PCDH15: variants seen among roughly 807,000 people sequenced by gnomAD.
PCDH15 encodes the protein protocadherin-15.
In PCDH15, 129 loss-of-function variants were observed where a neutral mutation model predicts 178.5. The observed-to-expected ratio is 0.72, with a 90% CI of 0.63 to 0.84. The LOEUF (loss-of-function observed/expected upper bound fraction) is 0.84. Ranked by LOEUF, PCDH15 falls within the 40% of genes least tolerant of loss-of-function variation. The pLI, the probability that PCDH15 is intolerant of heterozygous loss-of-function variation, is 0.00. For missense variants in PCDH15, 2,230 were observed against 2,099.9 expected, an observed-to-expected ratio of 1.06 and a Z score of -1.21; for synonymous variants, 800 against 732.0, an observed-to-expected ratio of 1.09 and a Z score of -1.50.
chr10:54,865,122 G>A (rs1729515387), intron 3 of PCDH15, among the ~76,000 whole-genome samples: 1 of 152,090 alleles, frequency 6.6e-6, no homozygotes, highest in African/African-American at 2.4e-5. Context: ...TGTCTGCGAG[G>A]GTGTTGCCAT....
chr10:54,131,328 T>C (rs2042417012), intron 15 of PCDH15, among the ~76,000 whole-genome samples: 1 of 152,128 alleles, frequency 6.6e-6, no homozygotes, highest in Non-Finnish European at 1.5e-5. Flanking sequence ...ACATGTAAAA[T>C]TTATTTTGTT....
At chr10:54,772,189 A>G (rs922708058) in intron 1 of PCDH15, among the ~76,000 whole-genome samples, 1 of 152,146 alleles carries the variant, frequency 6.6e-6, no homozygotes, top group Non-Finnish European at 1.5e-5. Context: ...TATTACATAC[A>G]TTTAAATAGT....
intron 2 of PCDH15, among the ~76,000 whole-genome samples, chr10:55,029,033 T>A (rs893708221): frequency 3.3e-5 from 5 of 152,032 alleles, no homozygotes; most frequent in African/African-American, 1.2e-4. Context: ...TTATTAATAC[T>A]GCATTGTACC....
At chr10:55,351,365 G>A (rs1031383909) in intron 2 of PCDH15, among the ~76,000 whole-genome samples, 1 of 151,880 alleles carries the variant, frequency 6.6e-6, no homozygotes, top group Admixed American at 6.6e-5. Flanking sequence ...ACTGTATTCA[G>A]TACTAAATTG....
At chr10:54,252,667 T>G (rs569576803) in intron 8 of PCDH15, among the ~76,000 whole-genome samples, 1 of 152,284 alleles carries the variant, frequency 6.6e-6, no homozygotes, top group African/African-American at 2.4e-5. Context: ...TATATCTTTC[T>G]AAATATCAAC....
chr10:54,057,052 G>C (rs1248847718), intron 18 of PCDH15, among the ~76,000 whole-genome samples: 1 of 152,154 alleles, frequency 6.6e-6, no homozygotes, highest in Non-Finnish European at 1.5e-5. Context: ...CACAGCTTTG[G>C]GCAGCTCCAC....
chr10:55,401,982 A>G (rs566620567), intron 2 of PCDH15, among the ~76,000 whole-genome samples: 1 of 152,176 alleles, frequency 6.6e-6, no homozygotes, highest in African/African-American at 2.4e-5. Context: ...TGTCCACTGA[A>G]CATGTTAATT....
intron 2 of PCDH15, among the ~76,000 whole-genome samples, chr10:55,338,380 A>C (rs1186783797): frequency 6.6e-6 from 1 of 152,212 alleles, no homozygotes; most frequent in African/African-American, 2.4e-5. Flanking sequence ...GCAATGACCA[A>C]GATATGGAAT....
chr10:54,834,813 A>T (rs545638076), intron 3 of PCDH15, among the ~76,000 whole-genome samples: 21 of 152,108 alleles, frequency 1.4e-4, no homozygotes, highest in South Asian at 4.1e-4. Flanking sequence ...GTGAAAATGA[A>T]TTTTTTTTAA....
At chr10:55,533,071 A>T (rs1841489197) in intron 2 of PCDH15, among the ~76,000 whole-genome samples, 1 of 150,574 alleles carries the variant, frequency 6.6e-6, no homozygotes. Context: ...AAAAAGTAAA[A>T]CGTCCCTCAA....
intron 1 of PCDH15, among the ~76,000 whole-genome samples, chr10:54,671,129 A>G (rs1203037561): frequency 6.6e-6 from 1 of 152,154 alleles, no homozygotes; most frequent in Non-Finnish European, 1.5e-5. Context: ...TCATCAGTGG[A>G]GTGTTTAGCT....
At position 55,181,045 on chromosome 10, in the gene PCDH15, T is replaced by G. The variant is rs376463054; in HGVS notation, c.-155-14394A>C. ...ATTAGGAATTGGGACTTACTTTAGA[T>G]AGTGTGGAAAAGAAGAGTAGTTCTG... On this transcript the variant is annotated intron_variant, in intron 1 of 5. Coordinates refer to the PCDH15 transcript ENST00000458638. 1.1e-3 allele frequency among the ~76,000 whole-genome samples: 169 copies of G among 152,068 alleles called. No individual in the cohort carries two copies. The Middle Eastern group carries it at 0.014, about 12-fold the overall frequency.
At chr10:54,617,278 C>A (rs1214143024) in intron 2 of PCDH15, among the ~76,000 whole-genome samples, 1 of 151,974 alleles carries the variant, frequency 6.6e-6, no homozygotes, top group Non-Finnish European at 1.5e-5. Context: ...AGCCATTGAG[C>A]AACCAACTGA....
intron 2 of PCDH15, among the ~76,000 whole-genome samples, chr10:54,641,502 T>G (rs547734983): frequency 6.6e-6 from 1 of 152,180 alleles, no homozygotes; most frequent in Admixed American, 6.6e-5. Flanking sequence ...TCTACCTTAT[T>G]ACATACCACT....
chr10:55,149,489 A>G (rs530955059), intron 2 of PCDH15, among the ~76,000 whole-genome samples: 1 of 152,174 alleles, frequency 6.6e-6, no homozygotes, highest in South Asian at 2.1e-4. Context: ...AACAAAAAGG[A>G]TGACTTGTTA....
intron 2 of PCDH15, among the ~76,000 whole-genome samples, chr10:55,408,937 T>G (rs955708085): frequency 1.3e-5 from 2 of 152,004 alleles, no homozygotes; most frequent in African/African-American, 2.4e-5. Context: ...CATCTCCTTT[T>G]AAAAGTTTTT....
chr10:53,983,219 GGTGT>G (rs2090814926), intron 21 of PCDH15, among the ~76,000 whole-genome samples: 2 of 150,824 alleles, frequency 1.3e-5, no homozygotes, highest in Admixed American at 6.6e-5. Flanking sequence ...AAGTGGTTTG[GGTGT>G]GTGTGTGTTT....
chr10:54,269,307 C>T (rs1367622489), intron 8 of PCDH15, among the ~76,000 whole-genome samples: 1 of 151,812 alleles, frequency 6.6e-6, no homozygotes, highest in Non-Finnish European at 1.5e-5. Context: ...TTTTTCCTCG[C>T]ATTGGTAGTT....
chr10:54,826,274 A>C (rs2133746125), intron 3 of PCDH15, among the ~76,000 whole-genome samples: 1 of 152,182 alleles, frequency 6.6e-6, no homozygotes, highest in African/African-American at 2.4e-5. Context: ...GATATCTGGA[A>C]ATTTTCAATC....
Sources: gnomAD v4.1 joint callset for allele counts (sites outside exome capture counted in the v4.1 genomes callset) on GRCh38, gnomAD v4.1.1 for gene constraint, MANE v1.5 for transcripts, NCBI Gene and HGNC (gene_info 2026-07-23, HGNC 2026-07-21) for gene names.